The following PARP4 variants were observed in gnomAD, a reference collection of about 807,000 sequenced individuals.
The protein encoded by PARP4 is protein mono-ADP-ribosyltransferase PARP4.
A neutral mutation model predicts 187.7 loss-of-function variants in PARP4; 120 were observed. That is an observed-to-expected ratio of 0.64 (90% CI 0.55 to 0.74). PARP4 has a LOEUF of 0.74. Among genes scored for constraint, PARP4 ranks in the 30% least tolerant of loss-of-function variants. PARP4 has a pLI of 0.00. For synonymous variants in PARP4, 654 were observed against 740.9 expected (o/e 0.88, Z 1.90); for missense variants, 1,836 against 2,070.5 (o/e 0.89, Z 2.20).
At chr13:24,453,759 A>G (rs12322991) in intron 22 of PARP4, 105 bp from the exon 23 acceptor site, 13,026 of 713,266 alleles carry the variant, frequency 0.018, 937 homozygotes, top group African/African-American at 0.18. Flanking sequence ...TGTAAAGGAT[A>G]TTATATATTT....
At chr13:24,443,827 A>C in intron 27 of PARP4, 97 bp from the exon 28 acceptor site, 2 of 814,362 alleles carry the variant, frequency 2.5e-6, no homozygotes, top group Non-Finnish European at 4.2e-6. Context: ...TAATCTGCAT[A>C]CAGTAAAATG....
At chr13:24,508,493 C>A (rs1869830003) in intron 1 of PARP4, among the ~76,000 whole-genome samples, 1 of 152,162 alleles carries the variant, frequency 6.6e-6, no homozygotes, top group African/African-American at 2.4e-5. Flanking sequence ...CATTTTTCTT[C>A]TGGGCTTTTT....
chr13:24,430,231 C>A (rs1382976684), intron 32 of PARP4, among the ~76,000 whole-genome samples: 1 of 152,144 alleles, frequency 6.6e-6, no homozygotes, highest in African/African-American at 2.4e-5. Flanking sequence ...TATGCATTTG[C>A]CCACCCACCC....
At chr13:24,469,715 C>T (rs943881489) in intron 16 of PARP4, among the ~76,000 whole-genome samples, 179 bp downstream of exon 16, 35 of 152,242 alleles carry the variant, frequency 2.3e-4, no homozygotes, top group African/African-American at 7.5e-4. Context: ...CCCTTCATCA[C>T]GGAGGGATGC....
intron 15 of PARP4, among the ~76,000 whole-genome samples, chr13:24,470,576 T>C (rs927591371): frequency 8.5e-5 from 13 of 152,156 alleles, no homozygotes; most frequent in African/African-American, 3.1e-4. Flanking sequence ...TCCAACAGAC[T>C]GTTTTCATCA....
intron 9 of PARP4, among the ~76,000 whole-genome samples, chr13:24,492,197 C>T (rs1218735162): frequency 6.6e-6 from 1 of 152,192 alleles, no homozygotes; most frequent in Non-Finnish European, 1.5e-5. Flanking sequence ...CAATTTTAAA[C>T]CTATTTCTGC....
intron 33 of PARP4, among the ~76,000 whole-genome samples, chr13:24,424,912 C>T (rs936767835): frequency 3.3e-5 from 5 of 151,596 alleles, no homozygotes; most frequent in African/African-American, 4.8e-5. Flanking sequence ...CTCGATCTCC[C>T]AACCTCGTGA....
intron 15 of PARP4, among the ~76,000 whole-genome samples, chr13:24,472,106 C>T (rs536054183): frequency 7.2e-5 from 11 of 152,298 alleles, no homozygotes; most frequent in African/African-American, 2.4e-4. Flanking sequence ...CAAATTTGGG[C>T]TTTATCATAT....
Position 24,442,085 on chromosome 13 carries a change from C to T in PARP4, c.3544-117G>A, listed in dbSNP as rs562762355. ...GATATGCTGGTGTGTGGGACTGGAG[C>T]TTGTGCCGTGGGCCACAAGCGTGAG... On this transcript the variant is annotated intron_variant, in intron 29 of 33. Transcript: ENST00000381989. The T allele has an allele frequency of 2.5e-6, 3 of 1,198,748 alleles. No homozygotes were observed. In the South Asian group the frequency reaches 5.3e-5, roughly 21 times the overall value. 74.3% of individuals were successfully genotyped at this position (1,198,748 alleles called of 1,614,324 possible). A position where few individuals can be genotyped will look rare whatever the true frequency, so the allele number is the denominator to read the frequency against.
intron 12 of PARP4, among the ~76,000 whole-genome samples, chr13:24,482,211 G>C (rs1418249933): frequency 6.6e-6 from 1 of 152,208 alleles, no homozygotes; most frequent in Non-Finnish European, 1.5e-5. Context: ...AGAATGAGGA[G>C]TTGCTTCTTA....
chr13:24,428,966 T>C (rs1292927069), intron 32 of PARP4, among the ~76,000 whole-genome samples: 3 of 152,204 alleles, frequency 2.0e-5, no homozygotes, highest in Non-Finnish European at 2.9e-5. Context: ...GTTAAACCTT[T>C]TGATATCATT....
At chr13:24,492,872 C>T (rs1356233796) in intron 8 of PARP4, among the ~76,000 whole-genome samples, 1 of 152,182 alleles carries the variant, frequency 6.6e-6, no homozygotes, top group African/African-American at 2.4e-5. Context: ...TACCTATACA[C>T]AGAGAGAGAA....
In PARP4 at chr13:24,484,686, A is replaced by C. The variant is rs555388307; in HGVS notation, c.1415T>G (p.Leu472Arg). Reference protein sequence around the residue: ...RGVQRTDVGNLGSGIYFSDSL... With the variant: ...RGVQRTDVGNRGSGIYFSDSL... ...ATCACTGAAATAAATCCCACTTCCA[A>C]GGTTTCCGACGTCTGTTCTTTGCAC... The change falls in exon 12 of 34, where the codon CTT becomes CGT. Residue 472 changes from leucine (L) to arginine (R), a missense_variant. Physicochemically the swap from Leu to Arg is moderately radical, Grantham distance 102. Transcript: ENST00000381989. 4 of 1,612,550 alleles carry C rather than the reference A, an allele frequency of 2.5e-6. No individual in the cohort carries two copies. In the African/African-American group the frequency reaches 5.3e-5, roughly 21 times the overall value.
intron 9 of PARP4, among the ~76,000 whole-genome samples, chr13:24,492,124 C>T (rs545331554): frequency 6.6e-6 from 1 of 152,298 alleles, no homozygotes; most frequent in Non-Finnish European, 1.5e-5. Flanking sequence ...GCTGCAGTTT[C>T]CCCTTTCTCC....
chr13:24,487,216 C>T (rs1266991142), intron 10 of PARP4, among the ~76,000 whole-genome samples: 3 of 149,958 alleles, frequency 2.0e-5, no homozygotes, highest in African/African-American at 7.4e-5. Flanking sequence ...GCCAAGATCA[C>T]GCCATTGCAC....
rs1259808621 is a variant in PARP4 at position 24,435,043 on chromosome 13, T to C, written c.4098A>G (p.Gln1366=). ...CAGCACAAGTGCCAGGCACAGGGCC[T>C]TGGCTGAATTGAGATGCATCAAACT... ...PRQFDASQFS[Q]GPVPGTCADW... Residue 1366 remains glutamine, a synonymous_variant, in exon 31 of 34, where the codon CAA becomes CAG. Coordinates refer to ENST00000381989, the MANE Select transcript of PARP4 (RefSeq NM_006437.4). The C allele has an allele frequency of 6.2e-7, 1 of 1,614,002 alleles. No individual in the cohort carries two copies. Among genetic ancestry groups the C allele is most frequent in the South Asian group, 1.1e-5 (1 of 91,072 alleles).
At chr13:24,450,982 C>T (rs1871486879) in intron 24 of PARP4, among the ~76,000 whole-genome samples, 1 of 152,158 alleles carries the variant, frequency 6.6e-6, no homozygotes, top group Non-Finnish European at 1.5e-5. Flanking sequence ...CTGGAGCGAT[C>T]CTCCTGCTTT....
At chr13:24,424,971 C>A (rs898885540) in intron 33 of PARP4, among the ~76,000 whole-genome samples, 1 of 151,648 alleles carries the variant, frequency 6.6e-6, no homozygotes, top group Admixed American at 6.5e-5. Context: ...GCGTGAGCCA[C>A]CGCGCCCGGC....
intron 27 of PARP4, among the ~76,000 whole-genome samples, 192 bp from the exon 28 acceptor site, chr13:24,443,922 T>C (rs1871080785): frequency 6.6e-6 from 1 of 152,258 alleles, no homozygotes; most frequent in Non-Finnish European, 1.5e-5. Context: ...CACAGAACAT[T>C]CTCTTTTCCC....
Sources: gnomAD v4.1 joint callset for allele counts (sites outside exome capture counted in the v4.1 genomes callset) on GRCh38, gnomAD v4.1.1 for gene constraint, MANE v1.5 for transcripts, NCBI Gene and HGNC (gene_info 2026-07-23, HGNC 2026-07-21) for gene names.